The following KIAA0586 variants were observed in gnomAD, a reference collection of about 807,000 sequenced individuals.
KIAA0586 encodes the protein protein TALPID3.
Under a neutral mutation model 169.8 loss-of-function variants are expected in KIAA0586, and 144 were observed. That is an observed-to-expected ratio of 0.85 (90% CI 0.74 to 0.97). The LOEUF is 0.97. Ranked by LOEUF, KIAA0586 falls within the 50% of genes least tolerant of loss-of-function variation. The pLI is 0.00. For missense variants in KIAA0586, 1,854 were observed against 1,823.0 expected, an observed-to-expected ratio of 1.02 and a Z score of -0.31; for synonymous variants, 625 against 612.4, an observed-to-expected ratio of 1.02 and a Z score of -0.30.
At chr14:58,494,496 G>A (rs2043038693) in intron 26 of KIAA0586, among the ~76,000 whole-genome samples, 1 of 151,398 alleles carries the variant, frequency 6.6e-6, no homozygotes, top group Non-Finnish European at 1.5e-5. Flanking sequence ...TTTCACTGAT[G>A]GGATCAACTA....
In KIAA0586 at chr14:58,507,109, T is replaced by C. The variant is rs1196441190; in HGVS notation, c.4169-1446T>C. Among the ~76,000 whole-genome samples the C allele has an allele frequency of 8.0e-5, 12 of 149,800 alleles. No homozygotes were observed. In the East Asian group the frequency reaches 2.2e-3, roughly 27 times the overall value. ...GATGCAGGGGGCCATGATCATGCCA[T>C]TGCACTCCAGCCTGGGCAACAGGAG... On this transcript the variant is annotated intron_variant, in intron 27 of 30. Coordinates refer to ENST00000652326, the MANE Select transcript of KIAA0586 (RefSeq NM_001329943.3).
chr14:58,506,516 G>A (rs955950923), intron 27 of KIAA0586, among the ~76,000 whole-genome samples: 2 of 151,824 alleles, frequency 1.3e-5, no homozygotes, highest in Middle Eastern at 3.2e-3. Context: ...GTGAAACGCT[G>A]CCTCTACTAA....
chr14:58,487,662 G>A (rs894663515), intron 22 of KIAA0586, among the ~76,000 whole-genome samples: 4 of 151,938 alleles, frequency 2.6e-5, no homozygotes, highest in African/African-American at 7.3e-5. Flanking sequence ...TAAGTATATG[G>A]TGGTATTAAC....
chr14:58,456,890 A>G (rs1227988778), intron 10 of KIAA0586, 80 bp downstream of exon 10: 3 of 772,638 alleles, frequency 3.9e-6, no homozygotes, highest in Non-Finnish European at 4.3e-6. Context: ...AAAGATAGAA[A>G]TTAGGAGGAA....
chr14:58,465,854 A>T lies in KIAA0586; in HGVS notation c.2079A>T (p.Ile693=). The change falls in exon 15 of 31, where the codon ATA becomes ATT. Residue 693 remains isoleucine (I), a synonymous_variant. Coordinates refer to ENST00000652326, the MANE Select transcript of KIAA0586 (RefSeq NM_001329943.3). ...TTATAGGCACTAAGGTAAAGTCAAT[A>T]AGAACACAGACTGACTTCTATGCAA... ...ERVKGTKVKS[I]RTQTDFYATK... is the part of the protein sequence containing the mutation. 1 of 1,605,318 alleles carries T rather than the reference A, an allele frequency of 6.2e-7. No individual in the cohort carries two copies. The highest frequency in any genetic ancestry group is 8.5e-7 in the Non-Finnish European group (1 of 1,175,572).
the KIAA0586 span, among the ~76,000 whole-genome samples, chr14:58,559,610 T>C: frequency 1.3e-5 from 2 of 152,216 alleles, no homozygotes; most frequent in African/African-American, 4.8e-5. Flanking sequence ...TTTTCATTTT[T>C]AAACCTTATT....
At chr14:58,448,518 A>T in intron 7 of KIAA0586, 25 bp downstream of exon 7, 1 of 1,528,540 alleles carries the variant, frequency 6.5e-7, no homozygotes, top group Non-Finnish European at 8.9e-7. Flanking sequence ...TTCTCTATGA[A>T]TAAAAAATGT....
At chr14:58,479,642 T>G (rs566777302) in intron 20 of KIAA0586, among the ~76,000 whole-genome samples, 26 of 152,098 alleles carry the variant, frequency 1.7e-4, no homozygotes, top group Non-Finnish European at 2.9e-4. Context: ...TTCTAGAAGA[T>G]GTATGGTTTT....
At chr14:58,476,802 G>T (rs375301319) in intron 19 of KIAA0586, among the ~76,000 whole-genome samples, 1 of 151,436 alleles carries the variant, frequency 6.6e-6, no homozygotes, top group African/African-American at 2.4e-5. Context: ...TGAGTAGCTG[G>T]GACTACAGGC....
intron 27 of KIAA0586, among the ~76,000 whole-genome samples, chr14:58,507,280 T>TTATATATATGTATGA (rs2044046568): frequency 6.8e-6 from 1 of 146,468 alleles, no homozygotes; most frequent in African/African-American, 2.5e-5. Context: ...TATGTATGAT[T>TTATATATATGTATGA]TATATATATA....
intron 29 of KIAA0586, 114 bp downstream of exon 29, chr14:58,512,741 C>T: frequency 1.6e-6 from 1 of 606,668 alleles, no homozygotes. Context: ...TTTTTGTTTT[C>T]TTTTGTTTTC....
At chr14:58,472,487 A>T (rs1465186923) in intron 18 of KIAA0586, among the ~76,000 whole-genome samples, 1 of 151,922 alleles carries the variant, frequency 6.6e-6, no homozygotes, top group African/African-American at 2.4e-5. Context: ...AAGCTTCATG[A>T]TTATCTGCCG....
At chr14:58,514,376 T>G (rs1437125592) in intron 29 of KIAA0586, among the ~76,000 whole-genome samples, 1 of 152,082 alleles carries the variant, frequency 6.6e-6, no homozygotes, top group Non-Finnish European at 1.5e-5. Flanking sequence ...GAAATTCACC[T>G]TATCACAGGG....
chr14:58,536,078 G>A (rs1036971787), intron 29 of KIAA0586, among the ~76,000 whole-genome samples: 2 of 151,940 alleles, frequency 1.3e-5, no homozygotes. Flanking sequence ...GAGTATAACT[G>A]TTATAAAGCC....
At chr14:58,455,195 T>G (rs1008879488) in intron 9 of KIAA0586, among the ~76,000 whole-genome samples, 4 of 152,194 alleles carry the variant, frequency 2.6e-5, no homozygotes, top group Non-Finnish European at 5.9e-5. Flanking sequence ...AAAAAATGTT[T>G]TCTATCTCTA....
chr14:58,483,861 G>A lies in KIAA0586; in HGVS notation c.3144+1149G>A, dbSNP rs866074961. 2.0e-5 allele frequency among the ~76,000 whole-genome samples: 3 copies of A among 152,038 alleles called. No homozygotes were observed. In the South Asian group the frequency reaches 6.2e-4, roughly 32 times the overall value. ...ATTTAAACATCATTTGATGTATAAA[G>A]TTATATACTGTATTTTATTTTTGTA... On this transcript the variant is annotated intron_variant, in intron 21 of 30. Coordinates refer to ENST00000652326, the MANE Select transcript of KIAA0586 (RefSeq NM_001329943.3).
intron 29 of KIAA0586, among the ~76,000 whole-genome samples, chr14:58,535,813 C>G (rs1208279642): frequency 6.6e-6 from 1 of 151,180 alleles, no homozygotes; most frequent in Non-Finnish European, 1.5e-5. Context: ...GTACATCGTC[C>G]CTTTAAAAAT....
chr14:58,471,884 A>G (rs2041246866), intron 17 of KIAA0586, among the ~76,000 whole-genome samples: 1 of 152,144 alleles, frequency 6.6e-6, no homozygotes, highest in African/African-American at 2.4e-5. Context: ...ACATGTAAAC[A>G]CTTTCCTTTA....
At chr14:58,482,218 G>A (rs934991872) in intron 20 of KIAA0586, among the ~76,000 whole-genome samples, 8 of 151,820 alleles carry the variant, frequency 5.3e-5, no homozygotes, top group African/African-American at 1.9e-4. Flanking sequence ...CTGATGTCAG[G>A]AGTTCAAGAC....
Sources: gnomAD v4.1 joint callset for allele counts (sites outside exome capture counted in the v4.1 genomes callset) on GRCh38, gnomAD v4.1.1 for gene constraint, MANE v1.5 for transcripts, NCBI Gene and HGNC (gene_info 2026-07-23, HGNC 2026-07-21) for gene names.